Variants in LITAF observed in about 807,000 individuals in gnomAD.
LITAF encodes the protein lipopolysaccharide induced TNF factor.
Under a neutral mutation model 14.5 loss-of-function variants are expected in LITAF, and 9 were observed. That is an observed-to-expected ratio of 0.62 (90% confidence interval 0.37 to 1.08). LITAF has a LOEUF of 1.08. LITAF is among the 50% of genes least tolerant of loss of function. The probability of loss-of-function intolerance (pLI) is 0.01; values close to 1 mark genes in which losing one functional copy is unlikely to be tolerated. For missense variants in LITAF, 206 were observed against 213.4 expected (o/e 0.97, Z 0.22); for synonymous variants, 98 against 88.2 (o/e 1.11, Z -0.62).
chr16:11,598,596 G>A (rs1414087174), upstream of LITAF: 1 of 152,050 alleles, frequency 6.6e-6, no homozygotes, highest in Admixed American at 6.6e-5. Flanking sequence ...CGGGGCTTAC[G>A]GTGCAGCCAG....
chr16:11,607,765 C>G (rs1020456098), intron 3 of LITAF, among the ~76,000 whole-genome samples: 2 of 152,122 alleles, frequency 1.3e-5, no homozygotes, highest in Admixed American at 6.5e-5. Context: ...AACCTTGGCA[C>G]TATTAGTATT....
At chr16:11,595,107 C>T (rs551881197) in intron 1 of LITAF, among the ~76,000 whole-genome samples, 2 of 152,148 alleles carry the variant, frequency 1.3e-5, no homozygotes, top group Non-Finnish European at 2.9e-5. Context: ...TCTGTGTTAC[C>T]CATTAACGAC....
upstream of LITAF, among the ~76,000 whole-genome samples, chr16:11,589,477 G>C (rs903145739): frequency 1.3e-5 from 2 of 152,120 alleles, no homozygotes; most frequent in African/African-American, 4.8e-5. Flanking sequence ...AGATTGAAAA[G>C]GATAAAGTGA....
rs2064806546 is a variant in LITAF, at chr16:11,586,283, GCT to G, written c.-6+601_-6+602del. ...AGGCCTAGGGGCCACGGCCCGCTTC[GCT>G]CTCTGATTTTCACCTCCCCAGGGTC... is the stretch of plus-strand genomic sequence containing the variant. On this transcript the variant is annotated intron_variant, in intron 1 of 3. Coordinates refer to ENST00000622633, the MANE Select transcript of LITAF (RefSeq NM_001136472.2). This position sits in a 1 kb window ranked among gnomAD's most constrained non-coding sequence, Gnocchi z 6.5. 6.6e-6 allele frequency: 1 copy of G among 152,244 alleles called. No individual in the cohort carries two copies. Among genetic ancestry groups the G allele is most frequent in the African/African-American group, 2.4e-5 (1 of 41,468 alleles). The allele number at this position is 152,244 out of a possible 1,614,324, so 9.4% of individuals were successfully genotyped here. A position where few individuals can be genotyped will look rare whatever the true frequency, so the allele number is the denominator to read the frequency against.
intron 1 of LITAF, among the ~76,000 whole-genome samples, chr16:11,570,117 C>G (rs2064519222): frequency 6.6e-6 from 1 of 151,956 alleles, no homozygotes; most frequent in Admixed American, 6.6e-5. Context: ...CTCCTTGGTT[C>G]AAATCCCAAC....
chr16:11,600,102 A>G (rs1009159252), upstream of LITAF, among the ~76,000 whole-genome samples: 1 of 152,050 alleles, frequency 6.6e-6, no homozygotes, highest in Non-Finnish European at 1.5e-5. This position sits in a 1 kb window ranked among gnomAD's most constrained non-coding sequence, Gnocchi z 4.1. Context: ...GGCTCAAGCA[A>G]TCCTACCACC....
At chr16:11,550,986 A>G (rs3784924) in intron 3 of LITAF, among the ~76,000 whole-genome samples, 49,158 of 152,002 alleles carry the variant, frequency 0.32, 8,183 homozygotes, top group East Asian at 0.5. Flanking sequence ...TTTTCCATAT[A>G]GACAGGCTGC....
chr16:11,620,633 C>T (rs2141893065), intron 3 of LITAF, among the ~76,000 whole-genome samples: 1 of 152,340 alleles, frequency 6.6e-6, no homozygotes, highest in Admixed American at 6.5e-5. Flanking sequence ...TGTGGCCAGC[C>T]CACTTTCCCA....
intron 1 of LITAF, among the ~76,000 whole-genome samples, chr16:11,594,601 C>T (rs1032777684): frequency 9.2e-5 from 14 of 152,146 alleles, no homozygotes; most frequent in South Asian, 2.1e-4. Context: ...AGAGGCTGGG[C>T]GTGGTGGCTC....
intron 3 of LITAF, among the ~76,000 whole-genome samples, chr16:11,552,214 T>C (rs1223617193): frequency 6.6e-6 from 1 of 152,210 alleles, no homozygotes; most frequent in African/African-American, 2.4e-5. Flanking sequence ...AGGAAAAGAA[T>C]GGAGCCCCTT....
In LITAF at chr16:11,632,965, T is replaced by C. The variant is rs1360832384; in HGVS notation, c.85+568A>G. Among the ~76,000 whole-genome samples, 4 of 151,992 alleles carry C rather than the reference T, an allele frequency of 2.6e-5. No homozygotes were observed. The highest frequency in any genetic ancestry group is 5.9e-5 in the Non-Finnish European group (4 of 67,968). The stretch of plus-strand genomic sequence containing the variant: ...GCTGAGCTGGCAGCCACTCCAGAGA[T>C]TTGCTGTCTTAGATAGGAAAGGACG... On this transcript the variant is annotated intron_variant, in intron 3 of 3. Coordinates refer to the LITAF transcript ENST00000574848. The surrounding 1 kb of genome is among the most constrained non-coding windows in gnomAD (Gnocchi z 4.8).
chr16:11,595,486 T>C (rs1336752231), intron 1 of LITAF, among the ~76,000 whole-genome samples: 2 of 152,038 alleles, frequency 1.3e-5, no homozygotes, highest in Non-Finnish European at 2.9e-5. Context: ...TCCCAGCACT[T>C]TGGGAGGCCG....
upstream of LITAF, among the ~76,000 whole-genome samples, chr16:11,638,932 G>T (rs76399566): frequency 4.3e-3 from 652 of 151,062 alleles, 5 homozygotes; most frequent in African/African-American, 0.015. Context: ...GTAAACTTTA[G>T]TTATTTAAAC....
chr16:11,602,230 T>A (rs1165275699), upstream of LITAF, among the ~76,000 whole-genome samples: 2 of 152,114 alleles, frequency 1.3e-5, no homozygotes, highest in Non-Finnish European at 2.9e-5. Flanking sequence ...TGGTGACACA[T>A]GCCTGTAGTC....
intron 3 of LITAF, among the ~76,000 whole-genome samples, chr16:11,627,433 C>G (rs2141901843): frequency 6.6e-6 from 1 of 152,378 alleles, no homozygotes; most frequent in East Asian, 1.9e-4. Context: ...GCCTGAAGCT[C>G]TTGCCCTCCC....
intron 3 of LITAF, among the ~76,000 whole-genome samples, chr16:11,629,758 C>T (rs1212306503): frequency 3.3e-5 from 5 of 152,264 alleles, no homozygotes; most frequent in East Asian, 1.9e-4. Flanking sequence ...CAGCCAGTTT[C>T]GAATCATGAT....
At chr16:11,631,108 A>C (rs1316073476) in intron 3 of LITAF, among the ~76,000 whole-genome samples, 1 of 152,200 alleles carries the variant, frequency 6.6e-6, no homozygotes, top group Non-Finnish European at 1.5e-5. Context: ...ATTTGGACTC[A>C]GGGCTGCAGA....
At chr16:11,569,582 G>C (rs2064509821) in intron 1 of LITAF, among the ~76,000 whole-genome samples, 1 of 152,188 alleles carries the variant, frequency 6.6e-6, no homozygotes, top group Non-Finnish European at 1.5e-5. Flanking sequence ...TTATTTACAA[G>C]AGTCACAGAT....
intron 3 of LITAF, among the ~76,000 whole-genome samples, chr16:11,604,856 A>C (rs980062867): frequency 6.6e-6 from 1 of 151,828 alleles, no homozygotes; most frequent in Non-Finnish European, 1.5e-5. Context: ...GGCCCCTGAA[A>C]CGCTGCGTCA....
Sources: allele counts gnomAD v4.1 joint callset (sites outside exome capture counted in the v4.1 genomes callset), GRCh38; gene constraint gnomAD v4.1.1; non-coding constraint Gnocchi (gnomAD v3.1); transcripts MANE v1.5; gene names NCBI Gene and HGNC (gene_info 2026-07-23, HGNC 2026-07-21).